BTBD9: variants seen among roughly 807,000 people sequenced by gnomAD.
BTBD9 encodes the protein BTB domain containing 9, also known as BTB/POZ domain-containing protein 9.
In BTBD9, 49 loss-of-function variants were observed where a neutral mutation model predicts 64.3. The observed-to-expected ratio is 0.76, with a 90% CI of 0.61 to 0.97. The LOEUF (loss-of-function observed/expected upper bound fraction) is 0.97. Among genes scored for constraint, BTBD9 ranks in the 50% least tolerant of loss-of-function variants. BTBD9 has a pLI of 0.00. For missense variants in BTBD9, 598 were observed against 762.1 expected (o/e 0.78, Z 2.53); for synonymous variants, 260 against 274.7 (o/e 0.95, Z 0.53).
chr6:38,391,556 T>C (rs1325704155), intron 6 of BTBD9, among the ~76,000 whole-genome samples: 4 of 152,178 alleles, frequency 2.6e-5, no homozygotes, highest in Admixed American at 1.3e-4. Flanking sequence ...CTGTAATGAT[T>C]AATTCTCTTT....
intron 7 of BTBD9, among the ~76,000 whole-genome samples, chr6:38,298,960 C>G (rs1446639621): frequency 6.6e-6 from 1 of 151,720 alleles, no homozygotes; most frequent in Non-Finnish European, 1.5e-5. Flanking sequence ...CACCCATTAA[C>G]TCGTCATTTA....
At chr6:38,310,120 A>C (rs1210152593) in intron 7 of BTBD9, among the ~76,000 whole-genome samples, 1 of 152,210 alleles carries the variant, frequency 6.6e-6, no homozygotes, top group Admixed American at 6.5e-5. Flanking sequence ...TAAGACTGGA[A>C]TGTCGAAGAA....
At chr6:38,374,941 G>GA (rs1414118093) in intron 6 of BTBD9, among the ~76,000 whole-genome samples, 1 of 152,214 alleles carries the variant, frequency 6.6e-6, no homozygotes, top group Non-Finnish European at 1.5e-5. Context: ...GCTGAGATGT[G>GA]ATAGCCATCA....
chr6:38,629,190 C>G (rs893376039), intron 1 of BTBD9, among the ~76,000 whole-genome samples: 2 of 152,074 alleles, frequency 1.3e-5, no homozygotes, highest in African/African-American at 4.8e-5. Context: ...CTTCATTTGG[C>G]AACAATCATG....
chr6:38,566,655 T>A (rs566894895), intron 6 of BTBD9, among the ~76,000 whole-genome samples: 1 of 152,132 alleles, frequency 6.6e-6, no homozygotes, highest in African/African-American at 2.4e-5. Flanking sequence ...GATTCTCAAG[T>A]AGAAAAGAAA....
intron 6 of BTBD9, among the ~76,000 whole-genome samples, chr6:38,565,427 A>G (rs1348695361): frequency 6.6e-6 from 1 of 152,120 alleles, no homozygotes; most frequent in Non-Finnish European, 1.5e-5. Flanking sequence ...ATTCACCCCC[A>G]GTTGAGAACC....
At chr6:38,505,837 C>T (rs780910366) in intron 6 of BTBD9, among the ~76,000 whole-genome samples, 26 of 151,322 alleles carry the variant, frequency 1.7e-4, no homozygotes, top group Non-Finnish European at 3.5e-4. Context: ...TGGTGGCATG[C>T]GTCTGTAGTC....
At chr6:38,190,549 T>C (rs1383955704) in intron 10 of BTBD9, among the ~76,000 whole-genome samples, 2 of 151,376 alleles carry the variant, frequency 1.3e-5, no homozygotes, top group East Asian at 3.9e-4. Flanking sequence ...CAATAACTGA[T>C]TCAAAAAGAC....
chr6:38,215,194 T>C (rs573132418), intron 9 of BTBD9, among the ~76,000 whole-genome samples: 14 of 152,246 alleles, frequency 9.2e-5, no homozygotes, highest in Admixed American at 9.2e-4. Flanking sequence ...TGCAATAAAT[T>C]TGTCATCATT....
At chr6:38,330,321 G>A (rs531365216) in intron 7 of BTBD9, among the ~76,000 whole-genome samples, 181 of 152,326 alleles carry the variant, frequency 1.2e-3, no homozygotes, top group Non-Finnish European at 2.0e-3. Context: ...CCAAAGTGCT[G>A]TGATTACAGG....
At chr6:38,522,505 T>G (rs1432956146) in intron 6 of BTBD9, among the ~76,000 whole-genome samples, 1 of 152,240 alleles carries the variant, frequency 6.6e-6, no homozygotes, top group African/African-American at 2.4e-5. Flanking sequence ...AAATGCTTCT[T>G]TGACGTCCGT....
At chr6:38,204,752 A>G (rs527351825) in intron 9 of BTBD9, among the ~76,000 whole-genome samples, 1 of 152,152 alleles carries the variant, frequency 6.6e-6, no homozygotes, top group Non-Finnish European at 1.5e-5. Context: ...AAAGACTGTA[A>G]CATGAAAGAT....
chr6:38,583,446 C>A (rs1776379539), intron 4 of BTBD9, among the ~76,000 whole-genome samples: 1 of 152,156 alleles, frequency 6.6e-6, no homozygotes, highest in African/African-American at 2.4e-5. Flanking sequence ...TTGTAATGAG[C>A]TGAGATGGTG....
intron 6 of BTBD9, among the ~76,000 whole-genome samples, chr6:38,474,600 G>A (rs1036616936): frequency 3.3e-5 from 5 of 152,148 alleles, no homozygotes; most frequent in African/African-American, 9.7e-5. Context: ...AGAGTAACCT[G>A]AACTAATCAA....
chr6:38,487,970 A>C (rs745794722), intron 6 of BTBD9, among the ~76,000 whole-genome samples: 1 of 152,196 alleles, frequency 6.6e-6, no homozygotes, highest in Non-Finnish European at 1.5e-5. Context: ...TGGGTGCACA[A>C]AGTATGAAAT....
chr6:38,369,773 C>T (rs1765343422), intron 6 of BTBD9, among the ~76,000 whole-genome samples: 2 of 152,162 alleles, frequency 1.3e-5, no homozygotes, highest in Admixed American at 6.5e-5. Context: ...AGGTACCTGA[C>T]TAAGCTGGGC....
intron 1 of BTBD9, among the ~76,000 whole-genome samples, chr6:38,601,352 T>C (rs1463552902): frequency 6.6e-6 from 1 of 152,222 alleles, no homozygotes; most frequent in African/African-American, 2.4e-5. Context: ...AAATGAGTAT[T>C]GTTTCACCAA....
intron 9 of BTBD9, among the ~76,000 whole-genome samples, chr6:38,228,574 T>TAA (rs145688853): frequency 1.4e-5 from 2 of 147,210 alleles, no homozygotes; most frequent in African/African-American, 2.5e-5. Context: ...AAACGGCTCT[T>TAA]AAAAAAAAAA....
intron 9 of BTBD9, among the ~76,000 whole-genome samples, chr6:38,250,175 GT>G (rs1351190598): frequency 1.5e-4 from 23 of 152,204 alleles, no homozygotes; most frequent in Admixed American, 6.5e-4. Context: ...TTTTAAAACT[GT>G]TTACCCACAT....
Sources: gnomAD v4.1 joint callset for allele counts (sites outside exome capture counted in the v4.1 genomes callset) on GRCh38, gnomAD v4.1.1 for gene constraint, MANE v1.5 for transcripts, NCBI Gene and HGNC (gene_info 2026-07-23, HGNC 2026-07-21) for gene names.